The following SPRED1 variants were observed in gnomAD, a reference collection of about 807,000 sequenced individuals.
SPRED1 encodes the protein sprouty related EVH1 domain containing 1, also known as sprouty-related, EVH1 domain-containing protein 1.
Under a neutral mutation model 52.3 loss-of-function variants are expected in SPRED1, and 18 were observed. That is an observed-to-expected ratio of 0.34 (90% confidence interval 0.24 to 0.51). The LOEUF is 0.51. Ranked by LOEUF, SPRED1 falls within the 20% of genes least tolerant of loss-of-function variation. The pLI, the probability that SPRED1 is intolerant of heterozygous loss-of-function variation, is 0.97. For missense variants in SPRED1, 485 were observed against 551.0 expected, an observed-to-expected ratio of 0.88 and a Z score of 1.20; for synonymous variants, 155 against 179.7, an observed-to-expected ratio of 0.86 and a Z score of 1.10.
rs58636340 is a variant in SPRED1, at chr15:38,273,520, A to AAT, written c.32+20340_32+20341dup. Among the ~76,000 whole-genome samples the AAT allele has an allele frequency of 2.0e-3, 290 of 142,796 alleles. 2 individuals carry two copies. Among genetic ancestry groups the AAT allele is most frequent in the African/African-American group, 5.3e-3 (202 of 38,300 alleles). 93.7% of individuals were successfully genotyped at this position (142,796 alleles called of 152,430 possible). ...TTAATTTTTATTTTTATGTATTATT[A>AAT]ATATATATATATATATATATATATA... On this transcript the variant is annotated intron_variant, in intron 1 of 6. Transcript: ENST00000299084.
chr15:38,282,901 G>C (rs1286642583), intron 1 of SPRED1, among the ~76,000 whole-genome samples: 2 of 151,852 alleles, frequency 1.3e-5, no homozygotes, highest in East Asian at 3.9e-4. Context: ...CTACTTTGAG[G>C]ACTGTGACAC....
At chr15:38,288,980 C>T (rs1176224169) in intron 1 of SPRED1, among the ~76,000 whole-genome samples, 1 of 152,076 alleles carries the variant, frequency 6.6e-6, no homozygotes, top group East Asian at 1.9e-4. Context: ...TACCAATATT[C>T]CAAATACAAC....
intron 2 of SPRED1, among the ~76,000 whole-genome samples, chr15:38,318,206 G>C (rs946841414): frequency 4.6e-5 from 7 of 151,740 alleles, no homozygotes; most frequent in African/African-American, 9.7e-5. Flanking sequence ...CAGTTTTATG[G>C]TACATTAAAT....
intron 2 of SPRED1, among the ~76,000 whole-genome samples, chr15:38,319,504 C>T (rs764812669): frequency 9.2e-5 from 14 of 152,060 alleles, no homozygotes; most frequent in Non-Finnish European, 1.5e-4. Flanking sequence ...CTCAGCCTCT[C>T]GAGTAGCTGA....
At chr15:38,307,417 C>T (rs1473986764) in intron 2 of SPRED1, among the ~76,000 whole-genome samples, 1 of 152,178 alleles carries the variant, frequency 6.6e-6, no homozygotes, top group African/African-American at 2.4e-5. Flanking sequence ...TCCTGGCTTT[C>T]AGACTGTCAC....
intron 1 of SPRED1, among the ~76,000 whole-genome samples, chr15:38,271,527 T>G (rs7177688): frequency 0.042 from 6,319 of 152,258 alleles, 445 homozygotes; most frequent in African/African-American, 0.14. Context: ...GGATAGAAAC[T>G]AACATTTTTG....
intron 2 of SPRED1, among the ~76,000 whole-genome samples, chr15:38,311,324 T>G (rs564078837): frequency 6.6e-6 from 1 of 152,314 alleles, no homozygotes; most frequent in East Asian, 1.9e-4. Context: ...GGTTTGCTAA[T>G]ATTCAGTTGA....
chr15:38,296,003 T>C (rs1895030117), intron 1 of SPRED1, among the ~76,000 whole-genome samples: 1 of 152,160 alleles, frequency 6.6e-6, no homozygotes, highest in African/African-American at 2.4e-5. Context: ...ATTAAAACTG[T>C]GCAGTGTATG....
In SPRED1 at chr15:38,253,051, C is replaced by T; in HGVS notation, c.-135C>T. ...GGGGGTACCGTTCTGGGTGAGGCAT[C>T]CACCATGGTGAGGCCCCTGTGCCGC... On this transcript the variant is annotated 5_prime_UTR_variant, in exon 1 of 7. Transcript: ENST00000299084. The T allele has an allele frequency of 1.3e-6, 1 of 752,644 alleles. No individual in the cohort carries two copies. Among genetic ancestry groups the T allele is most frequent in the East Asian group, 2.7e-5 (1 of 37,140 alleles). 46.6% of individuals were successfully genotyped at this position (752,644 alleles called of 1,614,324 possible). A position where few individuals can be genotyped will look rare whatever the true frequency, so the allele number is the denominator to read the frequency against.
Position 38,353,654 on chromosome 15 carries a change from A to C in SPRED1, c.*1990A>C, listed in dbSNP as rs1232759009. ...TTCCTAGAATAGACTGTTAACTTTC[A>C]AAATTTTTATTGGTGAAATGGAAAT... On this transcript the variant is annotated 3_prime_UTR_variant, in exon 7 of 7. Coordinates refer to ENST00000299084, the MANE Select transcript of SPRED1 (RefSeq NM_152594.3). The C allele has an allele frequency of 6.6e-6, 1 of 152,602 alleles. No individual in the cohort carries two copies. Among genetic ancestry groups the C allele is most frequent in the Non-Finnish European group, 1.5e-5 (1 of 67,978 alleles). 9.5% of individuals were successfully genotyped at this position (152,602 alleles called of 1,614,324 possible). A position where few individuals can be genotyped will look rare whatever the true frequency, so the allele number is the denominator to read the frequency against.
chr15:38,271,893 C>G (rs576328251), intron 1 of SPRED1, among the ~76,000 whole-genome samples: 1 of 152,164 alleles, frequency 6.6e-6, no homozygotes, highest in South Asian at 2.1e-4. Flanking sequence ...TTTTTCAACC[C>G]TTACTTCCCT....
At chr15:38,324,655 T>C in intron 3 of SPRED1, 108 bp from the exon 4 acceptor site, 1 of 868,814 alleles carries the variant, frequency 1.2e-6, no homozygotes, top group South Asian at 1.6e-5. Context: ...TCCAGAAAGA[T>C]CTCTGATTAG....
chr15:38,332,958 A>G (rs748282755), intron 4 of SPRED1, among the ~76,000 whole-genome samples: 1 of 152,210 alleles, frequency 6.6e-6, no homozygotes, highest in Admixed American at 6.5e-5. Context: ...CATGGTGGAA[A>G]GAACAGGACA....
At chr15:38,314,677 T>C (rs1341881998) in intron 2 of SPRED1, among the ~76,000 whole-genome samples, 3 of 151,942 alleles carry the variant, frequency 2.0e-5, no homozygotes, top group South Asian at 4.1e-4. Flanking sequence ...TACTATCTTT[T>C]TGAGTGAAAA....
chr15:38,271,465 A>G (rs762225708), intron 1 of SPRED1, among the ~76,000 whole-genome samples: 1 of 150,620 alleles, frequency 6.6e-6, no homozygotes, highest in East Asian at 2.0e-4. Context: ...TTGATACTTA[A>G]TGAAATAGAG....
Position 38,258,731 on chromosome 15 carries a change from CTTA to C in SPRED1, c.32+5518_32+5520del, listed in dbSNP as rs1174022838. Among the ~76,000 whole-genome samples the C allele has an allele frequency of 4.6e-5, 7 of 152,110 alleles. No homozygotes were observed. The East Asian group carries it at 7.7e-4, about 17-fold the overall frequency. ...TGGTAAAATAAAATTGATTTAAAAA[CTTA>C]TTAGGTTGTTTTGCGGTAACTAGAA... On this transcript the variant is annotated intron_variant, in intron 1 of 6. Coordinates refer to ENST00000299084, the MANE Select transcript of SPRED1 (RefSeq NM_152594.3).
intron 1 of SPRED1, among the ~76,000 whole-genome samples, chr15:38,257,583 A>G (rs551936885): frequency 2.0e-5 from 3 of 152,250 alleles, no homozygotes; most frequent in South Asian, 4.1e-4. Flanking sequence ...GGATGTTTGG[A>G]TGTGCTTGGC....
At chr15:38,298,520 T>A (rs1474371247) in intron 1 of SPRED1, 1 of 330,782 alleles carries the variant, frequency 3.0e-6, no homozygotes, top group Non-Finnish European at 5.7e-6. Context: ...TTAAAAAAAA[T>A]TAACTTCTGG....
rs66511254 is a variant in SPRED1 at position 38,293,099 on chromosome 15, C to CTTTTTTTTTTTTTTTTTTT, written c.33-6273_33-6255dup. Among the ~76,000 whole-genome samples the CTTTTTTTTTTTTTTTTTTT allele has an allele frequency of 3.0e-4, 27 of 90,734 alleles. 1 individual carries two copies. Among genetic ancestry groups the CTTTTTTTTTTTTTTTTTTT allele is most frequent in the Non-Finnish European group, 4.4e-4 (22 of 50,278 alleles). The allele number at this position is 90,734 out of a possible 152,430, so 59.5% of individuals were successfully genotyped here. ...TTAAGTAATTTACCCAAGATTACAA[C>CTTTTTTTTTTTTTTTTTTT]TTTTTTTTTTTTTTTTTTTGAGACG... is the stretch of plus-strand genomic sequence containing the variant. On this transcript the variant is annotated intron_variant, in intron 1 of 6. Coordinates refer to ENST00000299084, the MANE Select transcript of SPRED1 (RefSeq NM_152594.3).
Sources: allele counts gnomAD v4.1 joint callset (sites outside exome capture counted in the v4.1 genomes callset), GRCh38; gene constraint gnomAD v4.1.1; transcripts MANE v1.5; gene names NCBI Gene and HGNC (gene_info 2026-07-23, HGNC 2026-07-21).